The following GLIS3 variants were observed in gnomAD, a reference collection of about 807,000 sequenced individuals.
The protein encoded by GLIS3 is GLIS family zinc finger 3.
GLIS3 carries 53 observed loss-of-function variants against 78.6 expected under a neutral mutation model. The ratio of observed to expected loss-of-function variants is 0.67; its 90% confidence interval spans 0.54 to 0.85. The LOEUF (loss-of-function observed/expected upper bound fraction) is 0.85, where lower values mean the gene tolerates loss of function less well. GLIS3 is among the 40% of genes least tolerant of loss of function. GLIS3 has a pLI of 0.00. For missense variants in GLIS3, 1,703 were observed against 1,231.1 expected, an observed-to-expected ratio of 1.38 and a Z score of -5.74; for synonymous variants, 684 against 509.9, an observed-to-expected ratio of 1.34 and a Z score of -4.60.
chr9:4,397,710 CAGGGAGGG>C, the GLIS3 span, among the ~76,000 whole-genome samples: 9 of 4,880 alleles, frequency 1.8e-3, no homozygotes, highest in East Asian at 0.01. Context: ...GGGAGGAAGG[CAGGGAGGG>C]AGGGAGGGAG....
the GLIS3 span, among the ~76,000 whole-genome samples, chr9:4,452,623 G>T: frequency 1.3e-5 from 2 of 152,118 alleles, no homozygotes; most frequent in South Asian, 4.1e-4. Flanking sequence ...GGATGTGAAG[G>T]AACTCTTCAA....
rs10974426 is a variant in GLIS3, at chr9:4,271,345, T to C, written c.388+14693A>G. On this transcript the variant is annotated intron_variant, in intron 2 of 10. Coordinates refer to ENST00000381971, the MANE Select transcript of GLIS3 (RefSeq NM_001042413.2). Reference sequence around the variant, plus strand: ...TACCAGTAGTTATGTTTTGGGGGAATCAGAAGTTACACACAAATTTCAACT... The same window carrying C: ...TACCAGTAGTTATGTTTTGGGGGAACCAGAAGTTACACACAAATTTCAACT... 8.8e-3 allele frequency among the ~76,000 whole-genome samples: 1,334 copies of C among 152,240 alleles called. 14 individuals are homozygous for C. The highest frequency in any genetic ancestry group is 0.038 in the South Asian group (183 of 4,824).
At chr9:4,086,056 T>C (rs79337713) in intron 4 of GLIS3, among the ~76,000 whole-genome samples, 2,076 of 152,366 alleles carry the variant, frequency 0.014, 54 homozygotes, top group African/African-American at 0.047. Context: ...CATTTCTTTG[T>C]CCTTACACGA....
intron 4 of GLIS3, among the ~76,000 whole-genome samples, chr9:4,041,955 T>A (rs144373131): frequency 1.3e-5 from 2 of 152,252 alleles, no homozygotes; most frequent in African/African-American, 4.8e-5. Context: ...CTGGACAAGT[T>A]TGATGTGATT....
chr9:4,426,961 T>C, the GLIS3 span, among the ~76,000 whole-genome samples: 2 of 152,224 alleles, frequency 1.3e-5, no homozygotes, highest in African/African-American at 2.4e-5. Flanking sequence ...AGTTAAACTG[T>C]AGAGTGGATG....
intron 9 of GLIS3, among the ~76,000 whole-genome samples, chr9:3,831,638 T>C (rs970647384): frequency 6.6e-6 from 1 of 152,204 alleles, no homozygotes; most frequent in Non-Finnish European, 1.5e-5. Context: ...TGAAAATATA[T>C]TCTGAAGAAC....
At chr9:4,329,429 T>C (rs1466493033) in intron 2 of GLIS3, among the ~76,000 whole-genome samples, 1 of 151,644 alleles carries the variant, frequency 6.6e-6, no homozygotes, top group Non-Finnish European at 1.5e-5. Flanking sequence ...AATGATAAAA[T>C]GCCCCCCAGT....
At chr9:3,924,005 C>T (rs1825063703) in intron 6 of GLIS3, among the ~76,000 whole-genome samples, 1 of 152,238 alleles carries the variant, frequency 6.6e-6, no homozygotes, top group South Asian at 2.1e-4. Context: ...CTTCCTAAAA[C>T]ACAGCCATCC....
chr9:4,454,702 C>A, the GLIS3 span, among the ~76,000 whole-genome samples: 1 of 152,140 alleles, frequency 6.6e-6, no homozygotes, highest in African/African-American at 2.4e-5. Flanking sequence ...ATATATTTTG[C>A]CCTCTTCTGG....
At chr9:4,012,313 A>T (rs956754957) in intron 4 of GLIS3, among the ~76,000 whole-genome samples, 1 of 152,214 alleles carries the variant, frequency 6.6e-6, no homozygotes, top group Non-Finnish European at 1.5e-5. Flanking sequence ...TCTATTAGGT[A>T]TTGGAAGAGT....
chr9:4,349,326 T>C (rs1817933086), upstream of GLIS3, among the ~76,000 whole-genome samples: 1 of 152,204 alleles, frequency 6.6e-6, no homozygotes, highest in Non-Finnish European at 1.5e-5. Flanking sequence ...ATATGACCCA[T>C]AAAAGCCAGG....
chr9:3,956,028 C>CCAAAAAA (rs1491307787), intron 4 of GLIS3, among the ~76,000 whole-genome samples: 1 of 87,630 alleles, frequency 1.1e-5, no homozygotes, highest in Non-Finnish European at 2.3e-5. Flanking sequence ...CCAGATTCAG[C>CCAAAAAA]AAAAAAAAAA....
At chr9:4,174,074 G>A (rs1816614461) in intron 2 of GLIS3, among the ~76,000 whole-genome samples, 1 of 152,152 alleles carries the variant, frequency 6.6e-6, no homozygotes, top group Non-Finnish European at 1.5e-5. Context: ...GGAAAGTCTA[G>A]TTAAGTAGGT....
At chr9:4,315,028 CCT>C (rs1333921601) in intron 2 of GLIS3, among the ~76,000 whole-genome samples, 1 of 152,188 alleles carries the variant, frequency 6.6e-6, no homozygotes, top group Non-Finnish European at 1.5e-5. Context: ...AGAAATATTT[CCT>C]CTCTTCCCTT....
chr9:4,016,056 T>G (rs1047492048), intron 4 of GLIS3, among the ~76,000 whole-genome samples: 4 of 152,154 alleles, frequency 2.6e-5, no homozygotes, highest in Admixed American at 1.3e-4. Context: ...AAGCGTATAG[T>G]ACTATTACAA....
intron 4 of GLIS3, among the ~76,000 whole-genome samples, chr9:4,009,737 A>C (rs971218637): frequency 6.6e-6 from 1 of 152,244 alleles, no homozygotes; most frequent in Non-Finnish European, 1.5e-5. Flanking sequence ...TGGGCTGAAC[A>C]TTCAGGGATC....
At chr9:4,136,134 T>G (rs748177776) in intron 2 of GLIS3, among the ~76,000 whole-genome samples, 1 of 152,182 alleles carries the variant, frequency 6.6e-6, no homozygotes, top group Non-Finnish European at 1.5e-5. Flanking sequence ...GCAAAACCTA[T>G]GGAAGGTAAG....
chr9:4,143,052 A>G (rs1045308306), intron 2 of GLIS3, among the ~76,000 whole-genome samples: 1 of 152,094 alleles, frequency 6.6e-6, no homozygotes, highest in Admixed American at 6.5e-5. Context: ...TATCCAGAAA[A>G]AAAGAATAAA....
At chr9:3,955,943 T>A (rs553860144) in intron 4 of GLIS3, among the ~76,000 whole-genome samples, 1 of 145,328 alleles carries the variant, frequency 6.9e-6, no homozygotes, top group African/African-American at 2.6e-5. Context: ...TGAAGTAGTA[T>A]ATACGTACAA....
Sources: gnomAD v4.1 joint callset for allele counts (sites outside exome capture counted in the v4.1 genomes callset) on GRCh38, gnomAD v4.1.1 for gene constraint, MANE v1.5 for transcripts, NCBI Gene and HGNC (gene_info 2026-07-23, HGNC 2026-07-21) for gene names.